MOB3B: variants seen among roughly 807,000 people sequenced by gnomAD.
MOB3B encodes the protein MOB kinase activator 3B, also known as MOB kinase activator-like 2B.
A neutral mutation model predicts 18.7 loss-of-function variants in MOB3B; 7 were observed. The ratio of observed to expected loss-of-function variants is 0.37; its 90% CI spans 0.21 to 0.70. The LOEUF (loss-of-function observed/expected upper bound fraction) is 0.70, where lower values mean the gene tolerates loss of function less well. Ranked by LOEUF, MOB3B falls within the 30% of genes least tolerant of loss-of-function variation. The pLI is 0.52. For missense variants in MOB3B, 253 were observed against 281.3 expected (o/e 0.90, Z 0.72); for synonymous variants, 111 against 99.9 (o/e 1.11, Z -0.66).
At chr9:27,423,358 T>A (rs1822283868) in intron 2 of MOB3B, among the ~76,000 whole-genome samples, 1 of 152,050 alleles carries the variant, frequency 6.6e-6, no homozygotes, top group Non-Finnish European at 1.5e-5. Context: ...TGTGAATATC[T>A]TTGGCCCCCA....
intron 2 of MOB3B, among the ~76,000 whole-genome samples, chr9:27,445,001 T>G (rs554975190): frequency 6.6e-6 from 1 of 152,286 alleles, no homozygotes; most frequent in African/African-American, 2.4e-5. Context: ...AAAAAATTAT[T>G]TCTTTTCTGA....
intron 2 of MOB3B, among the ~76,000 whole-genome samples, chr9:27,366,248 G>T (rs1390227711): frequency 6.6e-6 from 1 of 152,198 alleles, no homozygotes; most frequent in Non-Finnish European, 1.5e-5. Flanking sequence ...GCCACATTCA[G>T]TGTGAGAGCT....
chr9:27,466,547 T>C (rs1215452845), intron 1 of MOB3B, among the ~76,000 whole-genome samples: 2 of 152,164 alleles, frequency 1.3e-5, no homozygotes, highest in Non-Finnish European at 2.9e-5. Context: ...CAATTTACTA[T>C]ATTTGTCCAT....
At chr9:27,352,644 A>G (rs1821121548) in intron 3 of MOB3B, among the ~76,000 whole-genome samples, 1 of 152,124 alleles carries the variant, frequency 6.6e-6, no homozygotes, top group Non-Finnish European at 1.5e-5. Flanking sequence ...CTCCCTCTCC[A>G]TGCGGCAGTG....
At chr9:27,457,612 T>C (rs1248348902) in intron 1 of MOB3B, among the ~76,000 whole-genome samples, 1 of 152,114 alleles carries the variant, frequency 6.6e-6, no homozygotes, top group Non-Finnish European at 1.5e-5. Flanking sequence ...CCTCTGGCTC[T>C]CTGCCTGCTC....
At chr9:27,452,609 A>T (rs1822806371) in intron 2 of MOB3B, among the ~76,000 whole-genome samples, 1 of 152,230 alleles carries the variant, frequency 6.6e-6, no homozygotes, top group Non-Finnish European at 1.5e-5. Context: ...TCTCAAAAGA[A>T]GTCATACAAA....
chr9:27,370,299 G>T (rs754132764), intron 2 of MOB3B, among the ~76,000 whole-genome samples: 5 of 151,948 alleles, frequency 3.3e-5, no homozygotes, highest in Admixed American at 1.3e-4. Context: ...ACCTGAGGTC[G>T]GGAATTCAAG....
At chr9:27,381,667 G>T (rs1404075682) in intron 2 of MOB3B, among the ~76,000 whole-genome samples, 2 of 152,080 alleles carry the variant, frequency 1.3e-5, no homozygotes, top group Non-Finnish European at 2.9e-5. Context: ...TCGTTTAAGA[G>T]ACAGGGTCTC....
intron 1 of MOB3B, among the ~76,000 whole-genome samples, chr9:27,483,827 G>A (rs1350533029): frequency 5.3e-5 from 8 of 152,144 alleles, no homozygotes; most frequent in African/African-American, 1.4e-4. Context: ...GATGTGAAGC[G>A]ACGTAGGGGG....
At chr9:27,356,841 T>C (rs1821197062) in intron 3 of MOB3B, among the ~76,000 whole-genome samples, 1 of 151,986 alleles carries the variant, frequency 6.6e-6, no homozygotes, top group South Asian at 2.1e-4. Context: ...TTATCAATTG[T>C]TTCTAGTCTT....
At chr9:27,342,417 G>A (rs1199474832) in intron 3 of MOB3B, among the ~76,000 whole-genome samples, 1 of 151,934 alleles carries the variant, frequency 6.6e-6, no homozygotes, top group Non-Finnish European at 1.5e-5. Context: ...TAGTCCCTTA[G>A]AACTAAACCC....
Position 27,522,391 on chromosome 9 carries a change from A to T in MOB3B, c.-199+7164T>A, listed in dbSNP as rs947201784. On this transcript the variant is annotated intron_variant, in intron 1 of 3. Transcript: ENST00000262244. ...TTCCAGTTAGAGATAGTGACTCAAA[A>T]TTTTTGCATATATATCAAGACATTT... Among the ~76,000 whole-genome samples, 3 of 146,616 alleles carry T rather than the reference A, an allele frequency of 2.0e-5. No individual in the cohort carries two copies. The East Asian group carries it at 5.9e-4, about 29-fold the overall frequency.
At position 27,329,125 on chromosome 9, in the gene MOB3B, A is replaced by G. The variant is rs1429580180; in HGVS notation, c.*1462T>C. 1 of 152,212 alleles carries G rather than the reference A, an allele frequency of 6.6e-6. No individual in the cohort carries two copies. Among genetic ancestry groups the G allele is most frequent in the Non-Finnish European group, 1.5e-5 (1 of 68,038 alleles). The allele number at this position is 152,212 out of a possible 1,614,324, so 9.4% of individuals were successfully genotyped here. A position where few individuals can be genotyped will look rare whatever the true frequency, so the allele number is the denominator to read the frequency against. On this transcript the variant is annotated 3_prime_UTR_variant, in exon 4 of 4. Transcript: ENST00000262244. Reference sequence around the variant, plus strand: ...AACACATTATGATTGATAAAACAAAATCAGAGTCATTTAGTTATTCTTTAA... The same window carrying G: ...AACACATTATGATTGATAAAACAAAGTCAGAGTCATTTAGTTATTCTTTAA...
At chr9:27,336,895 A>C (rs1181688599) in intron 3 of MOB3B, among the ~76,000 whole-genome samples, 1 of 152,208 alleles carries the variant, frequency 6.6e-6, no homozygotes, top group Non-Finnish European at 1.5e-5. Flanking sequence ...AGGTAAAATC[A>C]AATGTGATAT....
At chr9:27,404,009 T>C (rs950600039) in intron 2 of MOB3B, among the ~76,000 whole-genome samples, 7 of 152,194 alleles carry the variant, frequency 4.6e-5, no homozygotes, top group African/African-American at 1.7e-4. Flanking sequence ...CGCTCTATTG[T>C]GCTAACACTA....
chr9:27,371,796 G>A (rs2131367639), intron 2 of MOB3B, among the ~76,000 whole-genome samples: 1 of 152,142 alleles, frequency 6.6e-6, no homozygotes, highest in East Asian at 1.9e-4. Flanking sequence ...TATAGATCTA[G>A]GACTGCCAGA....
chr9:27,478,700 T>C (rs976779504), intron 1 of MOB3B, among the ~76,000 whole-genome samples: 2 of 151,774 alleles, frequency 1.3e-5, no homozygotes, highest in African/African-American at 4.8e-5. Flanking sequence ...AAGGAGTAGG[T>C]TATGTGAGAG....
intron 1 of MOB3B, among the ~76,000 whole-genome samples, chr9:27,515,293 T>C (rs1820215464): frequency 6.6e-6 from 1 of 152,192 alleles, no homozygotes; most frequent in South Asian, 2.1e-4. Context: ...AGAATGAAAA[T>C]GGCTATTAAT....
intron 1 of MOB3B, among the ~76,000 whole-genome samples, chr9:27,513,331 C>T (rs1820174295): frequency 6.6e-6 from 1 of 152,160 alleles, no homozygotes; most frequent in African/African-American, 2.4e-5. Context: ...AATATCTGCC[C>T]TCAACCTGGC....
Sources: gnomAD v4.1 joint callset for allele counts (sites outside exome capture counted in the v4.1 genomes callset) on GRCh38, gnomAD v4.1.1 for gene constraint, MANE v1.5 for transcripts, NCBI Gene and HGNC (gene_info 2026-07-23, HGNC 2026-07-21) for gene names.